The following SIM1 variants were observed in gnomAD, a reference collection of about 807,000 sequenced individuals.
SIM1 encodes single-minded homolog 1.
A neutral mutation model predicts 78.2 loss-of-function variants in SIM1; 18 were observed. The observed-to-expected ratio is 0.23, with a 90% CI of 0.16 to 0.34. The LOEUF is 0.34. SIM1 is among the 10% of genes least tolerant of loss of function. SIM1 has a pLI of 1.00. For synonymous variants in SIM1, 417 were observed against 385.2 expected (o/e 1.08, Z -0.97); for missense variants, 939 against 975.1 (o/e 0.96, Z 0.49).
intron 9 of SIM1, among the ~76,000 whole-genome samples, chr6:100,425,154 C>A (rs1051155685): frequency 2.6e-5 from 4 of 152,140 alleles, no homozygotes; most frequent in African/African-American, 9.7e-5. Flanking sequence ...TTTGCTTCTT[C>A]CTCATTTTCT....
chr6:100,414,875 A>C (rs1771359326), intron 10 of SIM1, among the ~76,000 whole-genome samples: 1 of 152,200 alleles, frequency 6.6e-6, no homozygotes. Context: ...CCTTCACCAA[A>C]AGGAAGCCAG....
intron 9 of SIM1, among the ~76,000 whole-genome samples, chr6:100,444,413 T>C (rs1772301353): frequency 6.6e-6 from 1 of 152,148 alleles, no homozygotes; most frequent in East Asian, 1.9e-4. Flanking sequence ...ACAGGGTATG[T>C]GTGTCTTGCA....
chr6:100,447,175 G>C, intron 9 of SIM1, 93 bp downstream of exon 9: 4 of 1,455,016 alleles, frequency 2.7e-6, no homozygotes, highest in South Asian at 1.3e-5. Flanking sequence ...CCCGTGGCCC[G>C]AGCCTTGTCT....
rs573126694 is a variant in SIM1, at chr6:100,395,212, T to A, written c.1168-1323A>T. Among the ~76,000 whole-genome samples the A allele has an allele frequency of 6.6e-5, 10 of 152,354 alleles. No individual in the cohort carries two copies. The East Asian group carries it at 1.9e-3, about 29-fold the overall frequency. On this transcript the variant is annotated intron_variant, in intron 10 of 11. Coordinates refer to ENST00000369208, the MANE Select transcript of SIM1 (RefSeq NM_005068.3). ...AAGAGATTACCTACTATGATAATGATGGGTGCCATTTATTGAGAGCTTACT... is the reference window on the plus strand; with the variant it reads ...AAGAGATTACCTACTATGATAATGAAGGGTGCCATTTATTGAGAGCTTACT...
chr6:100,441,228 C>T (rs1772207540), intron 9 of SIM1, among the ~76,000 whole-genome samples: 1 of 152,100 alleles, frequency 6.6e-6, no homozygotes, highest in South Asian at 2.1e-4. Context: ...GCCAGAGAGG[C>T]CTGGGGAGGG....
intron 3 of SIM1, among the ~76,000 whole-genome samples, chr6:100,451,092 G>A (rs1382237603): frequency 6.6e-6 from 1 of 152,180 alleles, no homozygotes; most frequent in Admixed American, 6.5e-5. Flanking sequence ...AGAGGAGTCA[G>A]ACCCTGCTTT....
At chr6:100,428,910 CTCTT>C (rs1771816006) in intron 9 of SIM1, among the ~76,000 whole-genome samples, 1 of 151,928 alleles carries the variant, frequency 6.6e-6, no homozygotes, top group African/African-American at 2.4e-5. Context: ...CTCTTTTTCC[CTCTT>C]TCTTAAAATA....
Position 100,390,464 on chromosome 6 carries a change from C to T in SIM1, c.2198G>A (p.Gly733Asp). Residue 733 changes from glycine (G) to aspartate (D), a missense_variant, in exon 12 of 12, where the codon GGC becomes GAC. Physicochemically the swap from Gly to Asp is moderately conservative, Grantham distance 94. Around this residue, in one of 5 missense-constraint regions of SIM1, gnomAD observed 556 missense variants for 521.9 expected, o/e 1.07. Transcript: ENST00000369208. ...DSETIRNYSL[G>D]CNGSHFDVTS... is the part of the protein sequence containing the mutation. The stretch of plus-strand genomic sequence containing the variant: ...TACATCAAAGTGTGAGCCATTACAG[C>T]CCAAGGAATAGTTTCTAATGGTTTC... The T allele has an allele frequency of 6.2e-7, 1 of 1,614,122 alleles. No homozygotes were observed. The highest frequency in any genetic ancestry group is 8.5e-7 in the Non-Finnish European group (1 of 1,180,012).
At position 100,389,393 on chromosome 6, in the gene SIM1, C is replaced by G. The variant is rs916541099; in HGVS notation, c.*968G>C. Reference sequence around the variant, plus strand: ...TTAACACTGCTGTCATGTGGCACTTCACTGGTTTTCCTTTTATTTTTGCAC... The same window carrying G: ...TTAACACTGCTGTCATGTGGCACTTGACTGGTTTTCCTTTTATTTTTGCAC... On this transcript the variant is annotated 3_prime_UTR_variant, in exon 12 of 12. Transcript: ENST00000369208. The G allele has an allele frequency of 1.3e-4, 48 of 383,648 alleles. No homozygotes were observed. Among genetic ancestry groups the G allele is most frequent in the Non-Finnish European group, 1.5e-4 (33 of 216,966 alleles). The allele number at this position is 383,648 out of a possible 1,614,324, so 23.8% of individuals were successfully genotyped here.
intron 10 of SIM1, among the ~76,000 whole-genome samples, chr6:100,400,262 A>G (rs1408467966): frequency 2.0e-5 from 3 of 151,948 alleles, no homozygotes; most frequent in African/African-American, 7.2e-5. Flanking sequence ...AATCAGTTAA[A>G]TTGTATGGCT....
chr6:100,450,416 C>T (rs1051727762), intron 3 of SIM1, 60 bp from the exon 4 acceptor site: 3 of 1,468,398 alleles, frequency 2.0e-6, no homozygotes, highest in African/African-American at 2.8e-5. Context: ...GAAATGGGAG[C>T]AGGAGGACAG....
intron 10 of SIM1, among the ~76,000 whole-genome samples, chr6:100,416,132 C>T (rs950318955): frequency 9.2e-5 from 14 of 151,950 alleles, no homozygotes; most frequent in African/African-American, 3.4e-4. Flanking sequence ...AACTCTTAGT[C>T]TGTAAGACAG....
chr6:100,420,362 A>G (rs1288006672), intron 10 of SIM1, among the ~76,000 whole-genome samples: 1 of 152,152 alleles, frequency 6.6e-6, no homozygotes, highest in Admixed American at 6.5e-5. Context: ...TTGCATGGGA[A>G]CATGCATCCT....
chr6:100,461,351 G>T (rs930030585), intron 2 of SIM1, among the ~76,000 whole-genome samples: 1 of 151,666 alleles, frequency 6.6e-6, no homozygotes, highest in African/African-American at 2.4e-5. Context: ...CCTCCCAGCT[G>T]CGCCTGCCCC....
chr6:100,444,554 C>T (rs1202840586), intron 9 of SIM1, among the ~76,000 whole-genome samples: 3 of 152,062 alleles, frequency 2.0e-5, no homozygotes, highest in Non-Finnish European at 2.9e-5. Context: ...GGAATTTACT[C>T]ATAGTATCTT....
chr6:100,392,186 T>G (rs867113079), intron 11 of SIM1, among the ~76,000 whole-genome samples: 1 of 152,122 alleles, frequency 6.6e-6, no homozygotes, highest in African/African-American at 2.4e-5. Context: ...AAAAAAATTT[T>G]TTTAGACAAT....
intron 2 of SIM1, among the ~76,000 whole-genome samples, chr6:100,458,008 C>T (rs1443252723): frequency 3.0e-4 from 1 of 3,356 alleles, no homozygotes; most frequent in Non-Finnish European, 7.6e-4. Flanking sequence ...CTCTCTCTTT[C>T]TCTCTCTCTC....
At position 100,385,873 on chromosome 6, in the gene SIM1, A is replaced by G. The variant is rs1426988380; in HGVS notation, c.*4488T>C. 2.6e-5 allele frequency: 4 copies of G among 151,990 alleles called. No individual in the cohort carries two copies. The highest frequency in any genetic ancestry group is 1.5e-5 in the Non-Finnish European group (1 of 67,902). 9.4% of individuals were successfully genotyped at this position (151,990 alleles called of 1,614,324 possible). A position where few individuals can be genotyped will look rare whatever the true frequency, so the allele number is the denominator to read the frequency against. On this transcript the variant is annotated 3_prime_UTR_variant, in exon 12 of 12. Transcript: ENST00000369208. ...ACTCTCACTTTTTGAGTTAAGCACT[A>G]TCTGTACAACCCTTACAAGAAATTA...
chr6:100,412,928 C>G (rs1342576417), intron 10 of SIM1, among the ~76,000 whole-genome samples: 2 of 152,090 alleles, frequency 1.3e-5, no homozygotes, highest in African/African-American at 4.8e-5. Flanking sequence ...CTCTGCAAAT[C>G]TTGTAAACAG....
Sources: gnomAD v4.1 joint callset for allele counts (sites outside exome capture counted in the v4.1 genomes callset) on GRCh38, gnomAD v4.1.1 for gene constraint, gnomAD v4.1.1 regional missense constraint, MANE v1.5 for transcripts, NCBI Gene and HGNC (gene_info 2026-07-23, HGNC 2026-07-21) for gene names.